COPG2: variants seen among roughly 807,000 people sequenced by gnomAD.
The protein encoded by COPG2 is coatomer subunit gamma-2.
In COPG2, 37 loss-of-function variants were observed where a neutral mutation model predicts 46.3. The observed-to-expected ratio is 0.80, with a 90% CI of 0.61 to 1.05. The LOEUF is 1.05. Ranked by LOEUF, COPG2 falls within the 50% of genes least tolerant of loss-of-function variation. The pLI, the probability that COPG2 is intolerant of heterozygous loss-of-function variation, is 0.00. For missense variants in COPG2, 427 were observed against 387.8 expected, an observed-to-expected ratio of 1.10 and a Z score of -0.85; for synonymous variants, 159 against 129.7, an observed-to-expected ratio of 1.23 and a Z score of -1.53.
chr7:130,506,250 A>ATAAG lies in COPG2; in HGVS notation c.*422_*425dup, dbSNP rs1256901453. ...CAAGTATAACAACTTTGAAACTGGA[A>ATAAG]TAAGTGTTTATTTTCTATTAATAAA... On this transcript the variant is annotated 3_prime_UTR_variant, in exon 24 of 24. Coordinates refer to ENST00000425248, the MANE Select transcript of COPG2 (RefSeq NM_012133.6). 6 of 152,386 alleles carry ATAAG rather than the reference A, an allele frequency of 3.9e-5. No homozygotes were observed. The highest frequency in any genetic ancestry group is 2.0e-4 in the Admixed American group (3 of 15,290). 9.4% of individuals were successfully genotyped at this position (152,386 alleles called of 1,614,324 possible).
At chr7:130,664,710 T>A (rs1274725127) in intron 3 of COPG2, among the ~76,000 whole-genome samples, 2 of 152,214 alleles carry the variant, frequency 1.3e-5, no homozygotes, top group African/African-American at 2.4e-5. Flanking sequence ...TAAAAATACA[T>A]GTTACTCTCA....
intron 3 of COPG2, among the ~76,000 whole-genome samples, chr7:130,663,249 A>G (rs1439346642): frequency 6.6e-6 from 1 of 152,238 alleles, no homozygotes; most frequent in African/African-American, 2.4e-5. Context: ...AAAATAATTC[A>G]GTATCGCATA....
At chr7:130,658,715 C>T (rs1795907575) in intron 4 of COPG2, among the ~76,000 whole-genome samples, 1 of 151,418 alleles carries the variant, frequency 6.6e-6, no homozygotes, top group African/African-American at 2.4e-5. Flanking sequence ...GAGTCTTGCA[C>T]TGTTACCTGG....
At chr7:130,656,011 G>A (rs1470762158) in intron 4 of COPG2, among the ~76,000 whole-genome samples, 1 of 152,180 alleles carries the variant, frequency 6.6e-6, no homozygotes, top group East Asian at 1.9e-4. Flanking sequence ...CCTTTGAAAT[G>A]TGTTGTGTCT....
At chr7:130,559,013 A>G (rs1793675708) in intron 12 of COPG2, among the ~76,000 whole-genome samples, 1 of 152,232 alleles carries the variant, frequency 6.6e-6, no homozygotes, top group African/African-American at 2.4e-5. Context: ...ATTTTTAATT[A>G]TGAATTCAAA....
chr7:130,629,395 TATC>T (rs1403951133), intron 5 of COPG2, among the ~76,000 whole-genome samples: 1 of 135,478 alleles, frequency 7.4e-6, no homozygotes, highest in Non-Finnish European at 1.6e-5. Flanking sequence ...TTATTATTAT[TATC>T]ATTTTTTTTT....
chr7:130,626,822 C>T (rs902503634), intron 5 of COPG2, among the ~76,000 whole-genome samples: 3 of 151,996 alleles, frequency 2.0e-5, no homozygotes, highest in African/African-American at 4.8e-5. Flanking sequence ...GAACACTGTC[C>T]CTTTATGTTG....
At chr7:130,510,296 C>A (rs1799575240) in intron 20 of COPG2, 4 of 503,030 alleles carry the variant, frequency 8.0e-6, no homozygotes, top group African/African-American at 5.9e-5. Flanking sequence ...AATTTCAATG[C>A]CATTAGGGGT....
At chr7:130,528,935 G>T (rs1436298484) in intron 20 of COPG2, among the ~76,000 whole-genome samples, 2 of 152,086 alleles carry the variant, frequency 1.3e-5, no homozygotes, top group Non-Finnish European at 2.9e-5. Flanking sequence ...GTGTGGGTAA[G>T]ATAAGCAAGG....
intron 5 of COPG2, among the ~76,000 whole-genome samples, chr7:130,617,985 C>T (rs1794977758): frequency 6.8e-6 from 1 of 147,520 alleles, no homozygotes; most frequent in Non-Finnish European, 1.5e-5. Context: ...CCTGTAGTCT[C>T]AGCTACTTGG....
intron 20 of COPG2, among the ~76,000 whole-genome samples, chr7:130,530,966 G>A (rs1799818973): frequency 6.6e-6 from 1 of 150,870 alleles, no homozygotes; most frequent in Non-Finnish European, 1.5e-5. Context: ...CAATAGACAG[G>A]AAGGAATGGC....
chr7:130,650,041 G>T, intron 5 of COPG2, among the ~76,000 whole-genome samples: 1 of 152,160 alleles, frequency 6.6e-6, no homozygotes, highest in East Asian at 1.9e-4. Flanking sequence ...GTGAATCCTT[G>T]CTTTTTCCAG....
intron 20 of COPG2, among the ~76,000 whole-genome samples, chr7:130,517,680 G>C (rs1183522107): frequency 2.0e-5 from 3 of 152,202 alleles, no homozygotes; most frequent in Non-Finnish European, 4.4e-5. Context: ...AACCTCAAGA[G>C]TATAATGCTA....
rs1424056511 is a variant in COPG2 at position 130,616,423 on chromosome 7, C to T, written c.399+567G>A. Among the ~76,000 whole-genome samples, 3 of 151,650 alleles carry T rather than the reference C, an allele frequency of 2.0e-5. No homozygotes were observed. The East Asian group carries it at 5.8e-4, about 29-fold the overall frequency. On this transcript the variant is annotated intron_variant, in intron 6 of 23. Transcript: ENST00000425248. ...GAATAAAGTTTTCAGTTTGTTCAAA[C>T]TGCTACAAAAAAAAAAATTAGCCAG...
chr7:130,654,263 T>C (rs1795805250), intron 4 of COPG2, among the ~76,000 whole-genome samples: 1 of 152,180 alleles, frequency 6.6e-6, no homozygotes, highest in African/African-American at 2.4e-5. Context: ...TTTAAATGTG[T>C]AGCCAAGGAC....
intron 3 of COPG2, among the ~76,000 whole-genome samples, chr7:130,664,202 T>C (rs2116269817): frequency 1.3e-5 from 2 of 152,340 alleles, no homozygotes. Context: ...AGCAATCTTA[T>C]ATAATACGTT....
At chr7:130,634,780 C>G (rs184065104) in intron 5 of COPG2, among the ~76,000 whole-genome samples, 1,945 of 152,142 alleles carry the variant, frequency 0.013, 22 homozygotes, top group Middle Eastern at 0.024. Flanking sequence ...GCATCCTTGT[C>G]TTGTGCCTGT....
At chr7:130,604,011 G>A (rs1794684947) in intron 9 of COPG2, among the ~76,000 whole-genome samples, 1 of 152,114 alleles carries the variant, frequency 6.6e-6, no homozygotes. Context: ...AAATCATAAG[G>A]AAGAGAAGAT....
intron 9 of COPG2, among the ~76,000 whole-genome samples, chr7:130,601,593 C>T (rs1794631934): frequency 6.6e-6 from 1 of 152,104 alleles, no homozygotes; most frequent in Non-Finnish European, 1.5e-5. Context: ...CATGTTCTCA[C>T]TCATAAGTGG....
Sources: gnomAD v4.1 joint callset for allele counts (sites outside exome capture counted in the v4.1 genomes callset) on GRCh38, gnomAD v4.1.1 for gene constraint, MANE v1.5 for transcripts, NCBI Gene and HGNC (gene_info 2026-07-23, HGNC 2026-07-21) for gene names.